The following CYP4F12 variants were observed in gnomAD, a reference collection of about 807,000 sequenced individuals.
CYP4F12 encodes cytochrome P450 4F12.
A neutral mutation model predicts 56.5 loss-of-function variants in CYP4F12; 60 were observed. That is an observed-to-expected ratio of 1.06 (90% CI 0.86 to 1.32). The LOEUF is 1.32. Ranked by LOEUF, CYP4F12 falls within the 40% of genes most tolerant of loss-of-function variation. CYP4F12 has a pLI of 0.00. For missense variants in CYP4F12, 711 were observed against 683.5 expected (o/e 1.04, Z -0.45); for synonymous variants, 263 against 264.9 (o/e 0.99, Z 0.07).
intron 2 of CYP4F12, 114 bp downstream of exon 2, chr19:15,673,841 A>C: frequency 8.4e-7 from 1 of 1,187,280 alleles, no homozygotes; most frequent in Non-Finnish European, 1.2e-6. Flanking sequence ...GCGACCCCAG[A>C]GAAGCAAGAG....
intron 6 of CYP4F12, 87 bp downstream of exon 6, chr19:15,682,597 G>C: frequency 1.3e-6 from 2 of 1,572,962 alleles, no homozygotes; most frequent in South Asian, 2.2e-5. Flanking sequence ...GTAACCAGAA[G>C]TACCTTTCGG....
In CYP4F12 at chr19:15,673,522, C is replaced by T; in HGVS notation, c.-1-7C>T. On this transcript the variant is annotated splice_polypyrimidine_tract_variant and splice_region_variant and intron_variant, in intron 1 of 12. Transcript: ENST00000550308. ...GGTCCTCACCCTGCATCCCCTCTGC[C>T]CTGCAGGATGTCGCTGCTGAGCCTG... 1 of 1,612,696 alleles carries T rather than the reference C, an allele frequency of 6.2e-7. No individual in the cohort carries two copies. Among genetic ancestry groups the T allele is most frequent in the Non-Finnish European group, 8.5e-7 (1 of 1,179,726 alleles).
chr19:15,688,844 A>T (rs1434112996), intron 9 of CYP4F12, among the ~76,000 whole-genome samples: 1 of 152,204 alleles, frequency 6.6e-6, no homozygotes, highest in Non-Finnish European at 1.5e-5. Context: ...AGCATACAAA[A>T]ACATAAATTG....
chr19:15,673,674 C>T lies in CYP4F12; in HGVS notation c.145C>T (p.Gln49Ter), dbSNP rs746651610. The change falls in exon 2 of 13, where the codon CAG becomes TAG. Residue 49 changes from glutamine (Q) to a stop codon, truncating the protein, a stop_gained. Transcript: ENST00000550308. LOFTEE classifies it high-confidence loss of function. The stretch of plus-strand genomic sequence containing the variant: ...CTTCTATAACAACTGCCGCCGGCTC[C>T]AGTGTTTCCCACAGCCCCCAAAACG... The part of the protein sequence containing the change: ...YAFYNNCRRL[Q>*]CFPQPPKRNW... The T allele has an allele frequency of 6.2e-6, 10 of 1,614,044 alleles. No individual in the cohort carries two copies. In the East Asian group the frequency reaches 2.0e-4, roughly 32 times the overall value.
rs1568415062 is a variant in CYP4F12 at position 15,677,965 on chromosome 19, C to CCTCTGCTCACTCACTCATTT, written c.199-292_199-291insGCTCACTCACTCATTTCTCT. 2.2e-4 allele frequency among the ~76,000 whole-genome samples: 29 copies of CCTCTGCTCACTCACTCATTT among 132,164 alleles called. 12 individuals are homozygous for CCTCTGCTCACTCACTCATTT. The highest frequency in any genetic ancestry group is 2.3e-4 in the Non-Finnish European group (14 of 60,778). The allele number at this position is 132,164 out of a possible 152,430, so 86.7% of individuals were successfully genotyped here. On this transcript the variant is annotated intron_variant, in intron 2 of 12. Transcript: ENST00000550308. ...TCATTCCTCTCCTCACTCACTCATT[C>CCTCTGCTCACTCACTCATTT]CTCTCCTCACTCACTCATTCCTCTC... is the stretch of plus-strand genomic sequence containing the variant.
At chr19:15,692,890 T>C (rs566470965) in intron 9 of CYP4F12, among the ~76,000 whole-genome samples, 8 of 149,888 alleles carry the variant, frequency 5.3e-5, no homozygotes, top group South Asian at 4.3e-4. Context: ...CCTTGCCAAA[T>C]TGGGGAAACT....
rs116706785 is a variant in CYP4F12 at position 15,697,084 on chromosome 19, G to A, written c.1574G>A (p.Ter525=). 8.8e-4 allele frequency: 1,414 copies of A among 1,611,506 alleles called. 10 individuals are homozygous for A. In the African/African-American group the frequency reaches 0.016, roughly 18 times the overall value. ...GAGCCCCTGAATGTAAGCTTGCAGT[G>A]ACTTTCTGACCCATCCACCTGTTTT... ...RVEPLNVSLQ[*] is the part of the protein sequence containing the mutation. The change falls in exon 13 of 13, where the codon TGA becomes TAA. Residue 525 remains the stop codon, a stop_retained_variant. Transcript: ENST00000550308.
intron 9 of CYP4F12, among the ~76,000 whole-genome samples, chr19:15,694,224 A>G (rs1306261094): frequency 1.3e-5 from 2 of 151,950 alleles, no homozygotes; most frequent in Non-Finnish European, 2.9e-5. Context: ...AATTCTGTGA[A>G]GAAAGTCATT....
intron 5 of CYP4F12, chr19:15,681,201 C>T (rs139620996): frequency 1.3e-5 from 2 of 155,878 alleles, no homozygotes; most frequent in African/African-American, 4.8e-5. Flanking sequence ...ATCATTTCAC[C>T]ACATTGTACT....
At chr19:15,680,795 C>G in intron 5 of CYP4F12, 1 of 473,874 alleles carries the variant, frequency 2.1e-6, no homozygotes, top group Non-Finnish European at 3.9e-6. Context: ...GTGTAGTAGT[C>G]ATTGCTGATT....
rs1395227547 is a variant in CYP4F12 at position 15,697,101 on chromosome 19, A to G, written c.*16A>G. 4 of 1,601,792 alleles carry G rather than the reference A, an allele frequency of 2.5e-6. No homozygotes were observed. The highest frequency in any genetic ancestry group is 2.6e-6 in the Non-Finnish European group (3 of 1,171,178). ...CTTGCAGTGACTTTCTGACCCATCC[A>G]CCTGTTTTTTTGCAGATTGTCATGA... On this transcript the variant is annotated 3_prime_UTR_variant, in exon 13 of 13. Coordinates refer to ENST00000550308, the MANE Select transcript of CYP4F12 (RefSeq NM_023944.4).
At chr19:15,696,397 C>T (rs200290961) in intron 11 of CYP4F12, 33 bp from the exon 12 acceptor site, 1 of 1,613,908 alleles carries the variant, frequency 6.2e-7, no homozygotes, top group Non-Finnish European at 8.5e-7. Context: ...CATAGGAAAT[C>T]CCACTGGCAA....
At chr19:15,675,903 G>T (rs116890653) in intron 2 of CYP4F12, among the ~76,000 whole-genome samples, 4,717 of 152,290 alleles carry the variant, frequency 0.031, 97 homozygotes, top group Non-Finnish European at 0.048. Flanking sequence ...TATGGAGACA[G>T]AAAGAGATAG....
At chr19:15,683,795 G>T in intron 7 of CYP4F12, 32 bp downstream of exon 7, 2 of 1,507,508 alleles carry the variant, frequency 1.3e-6, no homozygotes, top group Non-Finnish European at 1.8e-6. Context: ...ATTTAGGTGA[G>T]AGAATAGAGC....
chr19:15,694,760 A>G (rs1407052831), intron 9 of CYP4F12, among the ~76,000 whole-genome samples: 6 of 152,244 alleles, frequency 3.9e-5, no homozygotes, highest in Non-Finnish European at 5.9e-5. Context: ...AATGCTCACC[A>G]TCACTGGCCA....
Position 15,685,093 on chromosome 19 carries a change from C to A in CYP4F12, c.1011C>A (p.Leu337=). 6.2e-7 allele frequency: 1 copy of A among 1,614,190 alleles called. No individual in the cohort carries two copies. Among genetic ancestry groups the A allele is most frequent in the African/African-American group, 1.3e-5 (1 of 75,064 alleles). ...FGGHDTTASG[L]SWVLYNLARH... Reference sequence around the variant, plus strand: ...GCCATGACACCACGGCCAGTGGCCTCTCCTGGGTCCTGTACAACCTTGCGA... The same window carrying A: ...GCCATGACACCACGGCCAGTGGCCTATCCTGGGTCCTGTACAACCTTGCGA... The change falls in exon 9 of 13, where the codon CTC becomes CTA. Residue 337 remains leucine, a synonymous_variant. Transcript: ENST00000550308.
intron 7 of CYP4F12, chr19:15,684,464 T>G (rs963908450): frequency 8.4e-6 from 2 of 238,624 alleles, no homozygotes; most frequent in African/African-American, 4.5e-5. Context: ...AATACATAAT[T>G]TCTAACCTCC....
At position 15,695,966 on chromosome 19, in the gene CYP4F12, C is replaced by T. The variant is rs1402268209; in HGVS notation, c.1146C>T (p.Thr382=). 3 of 1,613,876 alleles carry T rather than the reference C, an allele frequency of 1.9e-6. No individual in the cohort carries two copies. The highest frequency in any genetic ancestry group is 1.7e-6 in the Non-Finnish European group (2 of 1,179,934). ...ACCTGGCCCAGCTGCCCTTCCTGAC[C>T]ATGTGCGTGAAGGAGAGCCTGAGGT... is the stretch of plus-strand genomic sequence containing the variant. The part of the protein sequence containing the change: ...WDDLAQLPFL[T]MCVKESLRLH... Residue 382 remains threonine (T), a synonymous_variant, in exon 10 of 13, where the codon ACC becomes ACT. Transcript: ENST00000550308.
intron 7 of CYP4F12, chr19:15,684,222 A>C (rs3848642): frequency 6.4e-6 from 1 of 155,382 alleles, no homozygotes; most frequent in African/African-American, 2.4e-5. Context: ...GGGCCCCCAC[A>C]TTATGAGTAT....
Sources: allele counts gnomAD v4.1 joint callset (sites outside exome capture counted in the v4.1 genomes callset), GRCh38; gene constraint gnomAD v4.1.1; transcripts MANE v1.5; gene names NCBI Gene and HGNC (gene_info 2026-07-23, HGNC 2026-07-21).